The following LINGO3 variants were observed in gnomAD, a reference collection of about 807,000 sequenced individuals.
The protein encoded by LINGO3 is leucine rich repeat and Ig domain containing 3, also known as leucine-rich repeat and immunoglobulin-like domain-containing nogo receptor-interacting protein 3.
For synonymous variants in LINGO3, 427 were observed against 444.2 expected, an observed-to-expected ratio of 0.96 and a Z score of 0.49; for missense variants, 750 against 867.7, an observed-to-expected ratio of 0.86 and a Z score of 1.70.
upstream of LINGO3, among the ~76,000 whole-genome samples, chr19:2,296,147 G>A (rs147135655): frequency 1.1e-4 from 17 of 152,310 alleles, no homozygotes; most frequent in African/African-American, 3.6e-4. Context: ...CTGCCCTGCC[G>A]ACAGCACACT....
At chr19:2,293,361 G>A (rs538445383), upstream of LINGO3, among the ~76,000 whole-genome samples, 50 of 132,446 alleles carry the variant, frequency 3.8e-4, no homozygotes, top group Non-Finnish European at 5.8e-4. Flanking sequence ...ACCGCGCCTG[G>A]CCTTTTTTTT....
chr19:2,305,245 C>T, the LINGO3 span, among the ~76,000 whole-genome samples: 1 of 152,130 alleles, frequency 6.6e-6, no homozygotes, highest in Non-Finnish European at 1.5e-5. Context: ...CTGCACCAAC[C>T]ACGGTGCAGG....
At chr19:2,296,128 C>A (rs904839775), upstream of LINGO3, among the ~76,000 whole-genome samples, 13 of 152,204 alleles carry the variant, frequency 8.5e-5, no homozygotes, top group African/African-American at 3.1e-4. Flanking sequence ...GTCATTCTCT[C>A]CCGAGCTGCT....
chr19:2,301,167 T>C, the LINGO3 span, among the ~76,000 whole-genome samples: 4 of 151,016 alleles, frequency 2.6e-5, no homozygotes, highest in African/African-American at 9.8e-5. Context: ...AGAGAGGAGG[T>C]GAATCCCAGG....
the LINGO3 span, among the ~76,000 whole-genome samples, chr19:2,298,282 G>A: frequency 1.3e-5 from 2 of 152,124 alleles, no homozygotes; most frequent in African/African-American, 4.8e-5. Context: ...CCAGGTTGGA[G>A]TGCAGTGGTG....
chr19:2,291,866 C>T (rs1416609543), exon 1 of LINGO3: 3 of 1,170,658 alleles, frequency 2.6e-6, no homozygotes, highest in Admixed American at 2.1e-5. Flanking sequence ...CCGTTAGCAC[C>T]CCTCCGCGGC....
chr19:2,289,872 A>T, exon 1 of LINGO3: 1 of 770,448 alleles, frequency 1.3e-6, no homozygotes, highest in Non-Finnish European at 2.0e-6. Context: ...CGTCTACAAA[A>T]AAAGGGGAAG....
downstream of LINGO3, among the ~76,000 whole-genome samples, chr19:2,289,627 A>G (rs1004074750): frequency 3.3e-5 from 5 of 151,938 alleles, no homozygotes; most frequent in African/African-American, 1.2e-4. Context: ...TGGGGGCAGC[A>G]GTCTTGTGCC....
chr19:2,291,059 C>A (rs1291457173), exon 1 of LINGO3: 1 of 1,610,116 alleles, frequency 6.2e-7, no homozygotes, highest in Non-Finnish European at 8.5e-7. Flanking sequence ...AGGCTGCCCG[C>A]CGCCACCTCC....
the LINGO3 span, among the ~76,000 whole-genome samples, chr19:2,300,174 GGT>G: frequency 6.6e-6 from 1 of 151,894 alleles, no homozygotes; most frequent in East Asian, 1.9e-4. Flanking sequence ...TGGGATTAAA[GGT>G]GCATGCCACC....
upstream of LINGO3, chr19:2,292,160 C>G: frequency 3.8e-6 from 1 of 263,030 alleles, no homozygotes; most frequent in Non-Finnish European, 7.5e-6. Flanking sequence ...TGCACTCCAG[C>G]CTGGGCAACA....
At chr19:2,298,508 A>G in the LINGO3 span, among the ~76,000 whole-genome samples, 1 of 150,174 alleles carries the variant, frequency 6.7e-6, no homozygotes, top group Non-Finnish European at 1.5e-5. Flanking sequence ...CCGGGAACAC[A>G]GGCATGAGCC....
downstream of LINGO3, among the ~76,000 whole-genome samples, chr19:2,287,876 C>G (rs569006695): frequency 1.3e-5 from 2 of 152,342 alleles, no homozygotes; most frequent in East Asian, 3.9e-4. This position sits in a 1 kb window ranked among gnomAD's most constrained non-coding sequence, Gnocchi z 4.5. Flanking sequence ...CCTGGAGGGT[C>G]TGTCCTAACC....
downstream of LINGO3, chr19:2,289,747 CA>C: frequency 8.4e-6 from 3 of 355,196 alleles, no homozygotes; most frequent in Non-Finnish European, 1.5e-5. Context: ...CCCGCACCCC[CA>C]CCCCCCAGCT....
At chr19:2,291,765 C>A in exon 1 of LINGO3, 1 of 1,387,220 alleles carries the variant, frequency 7.2e-7, no homozygotes, top group East Asian at 3.2e-5. Context: ...GGACGCACAG[C>A]CAGCAGGTCA....
At chr19:2,307,872 G>A in the LINGO3 span, among the ~76,000 whole-genome samples, 2 of 152,146 alleles carry the variant, frequency 1.3e-5, no homozygotes, top group Non-Finnish European at 2.9e-5. Flanking sequence ...CCCAGGGTGG[G>A]GAGTTCGCCC....
At chr19:2,293,850 C>T (rs1164793951), upstream of LINGO3, among the ~76,000 whole-genome samples, 14 of 151,560 alleles carry the variant, frequency 9.2e-5, no homozygotes, top group African/African-American at 2.7e-4. Flanking sequence ...GTCAGGAGTT[C>T]GAGACCAGCC....
chr19:2,292,989 C>T (rs1013508989), upstream of LINGO3, among the ~76,000 whole-genome samples: 1 of 152,170 alleles, frequency 6.6e-6, no homozygotes, highest in Admixed American at 6.6e-5. Context: ...ACCCAGGCCA[C>T]GGTGGGGATG....
chr19:2,303,258 C>G, the LINGO3 span, among the ~76,000 whole-genome samples: 1 of 152,162 alleles, frequency 6.6e-6, no homozygotes, highest in African/African-American at 2.4e-5. Context: ...TTTCCCCCAG[C>G]GTCAAGGTGG....
Sources: allele counts gnomAD v4.1 joint callset (sites outside exome capture counted in the v4.1 genomes callset), GRCh38; gene constraint gnomAD v4.1.1; non-coding constraint Gnocchi (gnomAD v3.1); transcripts MANE v1.5; gene names NCBI Gene and HGNC (gene_info 2026-07-23, HGNC 2026-07-21).